CTNNA2: variants seen among roughly 807,000 people sequenced by gnomAD.
CTNNA2 encodes catenin alpha-2.
Under a neutral mutation model 101.0 loss-of-function variants are expected in CTNNA2, and 42 were observed. That is an observed-to-expected ratio of 0.42 (90% CI 0.32 to 0.54). The LOEUF is 0.54. Among genes scored for constraint, CTNNA2 ranks in the 20% least tolerant of loss-of-function variants. CTNNA2 has a pLI of 0.14. For missense variants in CTNNA2, 871 were observed against 1,223.1 expected (o/e 0.71, Z 4.29); for synonymous variants, 450 against 456.4 (o/e 0.99, Z 0.18).
chr2:79,205,985 C>T (rs76648099), intron 2 of CTNNA2, among the ~76,000 whole-genome samples: 3,459 of 152,158 alleles, frequency 0.023, 139 homozygotes, highest in African/African-American at 0.08. Context: ...TAGGTTTCTG[C>T]CTTCCTAAGA....
intron 2 of CTNNA2, among the ~76,000 whole-genome samples, chr2:79,247,650 G>A (rs1467839529): frequency 6.6e-6 from 1 of 152,150 alleles, no homozygotes; most frequent in African/African-American, 2.4e-5. Context: ...ATTATCAATA[G>A]CAACATTTTT....
rs1674546485 is a variant in CTNNA2, at chr2:80,283,661, T to C, written c.1057-109550T>C. 2.0e-5 allele frequency among the ~76,000 whole-genome samples: 3 copies of C among 152,118 alleles called. No homozygotes were observed. In the South Asian group the frequency reaches 6.2e-4, roughly 32 times the overall value. On this transcript the variant is annotated intron_variant, in intron 7 of 18. Coordinates refer to ENST00000402739, the MANE Select transcript of CTNNA2 (RefSeq NM_001282597.3). The stretch of plus-strand genomic sequence containing the variant: ...ATGTCTCATGAGTTACAATAGATGA[T>C]AACAGGTTGGATATGCCTCTGGTTC...
At chr2:79,990,930 C>T (rs1476952518) in intron 7 of CTNNA2, among the ~76,000 whole-genome samples, 1 of 152,062 alleles carries the variant, frequency 6.6e-6, no homozygotes, top group Non-Finnish European at 1.5e-5. Flanking sequence ...GGTTGGTAAG[C>T]TATTATTATC....
At chr2:79,261,438 G>T (rs1224663216) in intron 2 of CTNNA2, among the ~76,000 whole-genome samples, 2 of 152,204 alleles carry the variant, frequency 1.3e-5, no homozygotes, top group Non-Finnish European at 2.9e-5. Flanking sequence ...TGCAAAGTTG[G>T]TGTATTCATC....
chr2:80,614,229 G>C (rs1365784149), intron 17 of CTNNA2, among the ~76,000 whole-genome samples: 1 of 151,340 alleles, frequency 6.6e-6, no homozygotes, highest in Non-Finnish European at 1.5e-5. Flanking sequence ...TTGGCCTTCT[G>C]TATCTGTGAG....
intron 1 of CTNNA2, among the ~76,000 whole-genome samples, chr2:79,566,992 A>G (rs974321546): frequency 6.6e-6 from 1 of 152,216 alleles, no homozygotes; most frequent in African/African-American, 2.4e-5. Context: ...AATGAAAACA[A>G]GATACTAGAC....
At position 80,540,427 on chromosome 2, in the gene CTNNA2, T is replaced by G. The variant is rs113945326; in HGVS notation, c.1291-4555T>G. ...GCCTGGCTAGCATGGTGAAACCCCA[T>G]CTCTACTAAAAATACAAAAATTAGC... On this transcript the variant is annotated intron_variant, in intron 9 of 18. Coordinates refer to ENST00000402739, the MANE Select transcript of CTNNA2 (RefSeq NM_001282597.3). 3.0e-3 allele frequency among the ~76,000 whole-genome samples: 462 copies of G among 152,022 alleles called. 3 individuals carry two copies. Among genetic ancestry groups the G allele is most frequent in the African/African-American group, 0.01 (434 of 41,490 alleles).
chr2:79,942,264 A>G lies in CTNNA2; in HGVS notation c.1056+32467A>G, dbSNP rs545033407. ...CTGACTCTAGATGGCTGGACAGACC[A>G]GGAAGCCGAGAACCAGGAAGGCAGT... On this transcript the variant is annotated intron_variant, in intron 7 of 18. Transcript: ENST00000402739. Among the ~76,000 whole-genome samples, 5 of 152,292 alleles carry G rather than the reference A, an allele frequency of 3.3e-5. No homozygotes were observed. The East Asian group carries it at 9.7e-4, about 29-fold the overall frequency.
chr2:79,411,811 T>G (rs918159676), intron 4 of CTNNA2, among the ~76,000 whole-genome samples: 16 of 152,178 alleles, frequency 1.1e-4, no homozygotes, highest in African/African-American at 3.6e-4. Context: ...GTAAAGACTA[T>G]CAAGACTAGG....
chr2:79,733,618 G>T (rs1294071062), intron 2 of CTNNA2, among the ~76,000 whole-genome samples: 2 of 150,780 alleles, frequency 1.3e-5, no homozygotes, highest in African/African-American at 4.9e-5. Flanking sequence ...CTTCCCTCAA[G>T]ATACCCCATT....
At chr2:80,425,824 G>A (rs1680941482) in intron 9 of CTNNA2, among the ~76,000 whole-genome samples, 1 of 152,000 alleles carries the variant, frequency 6.6e-6, no homozygotes, top group Non-Finnish European at 1.5e-5. Flanking sequence ...CCTTAGAAAA[G>A]TCCTCAGCAA....
chr2:79,267,675 T>C (rs1675003758), intron 2 of CTNNA2, among the ~76,000 whole-genome samples: 1 of 152,120 alleles, frequency 6.6e-6, no homozygotes, highest in African/African-American at 2.4e-5. Context: ...ACCAAAGAGC[T>C]GTAGTGGGAC....
intron 7 of CTNNA2, chr2:80,304,774 G>A (rs1326760518): frequency 1.3e-5 from 2 of 152,726 alleles, no homozygotes; most frequent in Admixed American, 6.6e-5. Context: ...ACGATTGTGC[G>A]TCTTCCCCGA....
chr2:80,596,760 G>A (rs1414643455), intron 15 of CTNNA2, among the ~76,000 whole-genome samples: 1 of 150,640 alleles, frequency 6.6e-6, no homozygotes, highest in Non-Finnish European at 1.5e-5. Context: ...TAGGAGTGAT[G>A]AGAAAGGGCA....
At chr2:79,336,073 A>T (rs1385632354) in intron 3 of CTNNA2, among the ~76,000 whole-genome samples, 1 of 152,230 alleles carries the variant, frequency 6.6e-6, no homozygotes, top group African/African-American at 2.4e-5. Flanking sequence ...AAAAATGAGC[A>T]AACTATGCTT....
At chr2:80,493,891 T>C (rs1573030749) in intron 9 of CTNNA2, among the ~76,000 whole-genome samples, 1 of 152,156 alleles carries the variant, frequency 6.6e-6, no homozygotes, top group Non-Finnish European at 1.5e-5. Context: ...TTTAAAAAGT[T>C]ATATGATCTG....
chr2:79,919,236 G>T (rs1266551278), intron 7 of CTNNA2, among the ~76,000 whole-genome samples: 2 of 152,200 alleles, frequency 1.3e-5, no homozygotes, highest in Non-Finnish European at 1.5e-5. Context: ...CAACCCTGTG[G>T]TTGGGTATCA....
intron 2 of CTNNA2, among the ~76,000 whole-genome samples, chr2:79,720,443 T>A (rs371712174): frequency 2.4e-4 from 36 of 152,240 alleles, no homozygotes; most frequent in African/African-American, 7.7e-4. Context: ...ATATTAGTAC[T>A]TTGCTAGAAA....
intron 12 of CTNNA2, among the ~76,000 whole-genome samples, chr2:80,571,264 A>C (rs1360321967): frequency 1.3e-5 from 2 of 152,210 alleles, no homozygotes; most frequent in African/African-American, 4.8e-5. Context: ...AAGGCAGAAT[A>C]TTAAGTGTTT....
Sources: allele counts gnomAD v4.1 joint callset (sites outside exome capture counted in the v4.1 genomes callset), GRCh38; gene constraint gnomAD v4.1.1; transcripts MANE v1.5; gene names NCBI Gene and HGNC (gene_info 2026-07-23, HGNC 2026-07-21).